Variants in MED23 observed in about 807,000 individuals in gnomAD.
MED23 encodes the protein mediator of RNA polymerase II transcription subunit 23.
MED23 carries 105 observed loss-of-function variants against 163.9 expected under a neutral mutation model. The ratio of observed to expected loss-of-function variants is 0.64; its 90% CI spans 0.55 to 0.75. The LOEUF (loss-of-function observed/expected upper bound fraction) is 0.75. MED23 is among the 30% of genes least tolerant of loss of function. The pLI is 0.00. For synonymous variants in MED23, 561 were observed against 565.6 expected, an observed-to-expected ratio of 0.99 and a Z score of 0.12; for missense variants, 1,054 against 1,649.0, an observed-to-expected ratio of 0.64 and a Z score of 6.25.
Position 131,587,760 on chromosome 6 carries a change from T to C in MED23, c.4026A>G (p.Ala1342=). 1 of 1,614,056 alleles carries C rather than the reference T, an allele frequency of 6.2e-7. No homozygotes were observed. Among genetic ancestry groups the C allele is most frequent in the Non-Finnish European group, 8.5e-7 (1 of 1,179,910 alleles). Residue 1342 remains alanine (A), a synonymous_variant, in exon 29 of 29, where the codon GCA becomes GCG. Coordinates refer to ENST00000368068, the MANE Select transcript of MED23 (RefSeq NM_004830.4). Reference sequence around the variant, plus strand: ...CACTGTTCATGGCTTGTGGAGGCACTGCAGCTGGCTCCATCTTGCTAATGT... The same window carrying C: ...CACTGTTCATGGCTTGTGGAGGCACCGCAGCTGGCTCCATCTTGCTAATGT... The part of the protein sequence containing the change: ...ITHISKMEPA[A]VPPQAMNSGS...
chr6:131,586,968 A>G lies in MED23; in HGVS notation c.*711T>C, dbSNP rs762539357. On this transcript the variant is annotated 3_prime_UTR_variant, in exon 29 of 29. Transcript: ENST00000368068. Reference sequence around the variant, plus strand: ...AAAGCAATTAACTTATTTTTAAAAAAAGAAATTGGAGAATCAACCATTTAA... The same window carrying G: ...AAAGCAATTAACTTATTTTTAAAAAGAGAAATTGGAGAATCAACCATTTAA... The G allele has an allele frequency of 6.7e-7, 1 of 1,491,184 alleles. No homozygotes were observed. Among genetic ancestry groups the G allele is most frequent in the South Asian group, 1.4e-5 (1 of 72,450 alleles). 92.4% of individuals were successfully genotyped at this position (1,491,184 alleles called of 1,614,324 possible).
Position 131,596,626 on chromosome 6 carries a change from T to C in MED23, c.2670A>G (p.Leu890=). The C allele has an allele frequency of 6.2e-7, 1 of 1,614,138 alleles. No homozygotes were observed. Among genetic ancestry groups the C allele is most frequent in the Non-Finnish European group, 8.5e-7 (1 of 1,180,002 alleles). ...QVCYFIIQLL[L]LKPNDFRNRV... Reference sequence around the variant, plus strand: ...GATTTCTAAAATCGTTTGGTTTGAGTAACAGCAACTGAATTATGAAATAAC... The same window carrying C: ...GATTTCTAAAATCGTTTGGTTTGAGCAACAGCAACTGAATTATGAAATAAC... Residue 890 remains leucine (L), a synonymous_variant, in exon 21 of 29, where the codon TTA becomes TTG. Coordinates refer to ENST00000368068, the MANE Select transcript of MED23 (RefSeq NM_004830.4).
chr6:131,604,079 T>C (rs1775684033), intron 15 of MED23, 99 bp downstream of exon 15: 1 of 1,164,476 alleles, frequency 8.6e-7, no homozygotes, highest in Non-Finnish European at 1.3e-6. Flanking sequence ...TCCATCATGG[T>C]GGTGACTTGT....
At chr6:131,616,715 G>T (rs1055171027) in intron 9 of MED23, among the ~76,000 whole-genome samples, 3 of 152,198 alleles carry the variant, frequency 2.0e-5, no homozygotes, top group Non-Finnish European at 2.9e-5. Flanking sequence ...GGCTACTCAG[G>T]AGGCTGAGGT....
intron 22 of MED23, among the ~76,000 whole-genome samples, chr6:131,595,356 T>A (rs1774968095): frequency 6.6e-6 from 1 of 152,256 alleles, no homozygotes; most frequent in Non-Finnish European, 1.5e-5. Flanking sequence ...GTCCTTGTAA[T>A]GGCTTCATCC....
intron 30 of MED23, among the ~76,000 whole-genome samples, chr6:131,577,671 G>A (rs1325336940): frequency 6.6e-6 from 1 of 151,990 alleles, no homozygotes; most frequent in African/African-American, 2.4e-5. Flanking sequence ...GGAAGCCAAG[G>A]TGGGTGGACT....
At chr6:131,579,192 G>A (rs757959356) in intron 30 of MED23, 4 of 1,614,074 alleles carry the variant, frequency 2.5e-6, no homozygotes, top group Middle Eastern at 1.6e-4. Flanking sequence ...AAGAATCCAA[G>A]GTCTGTGGGA....
intron 3 of MED23, 143 bp downstream of exon 3, chr6:131,627,253 G>A (rs1287481847): frequency 2.6e-5 from 18 of 689,718 alleles, no homozygotes; most frequent in African/African-American, 1.2e-4. Flanking sequence ...ATGGAAGCCA[G>A]AATAAAAAAT....
rs759941909 is a variant in MED23 at position 131,589,613 on chromosome 6, G to A, written c.3808-17C>T. 6 of 1,610,578 alleles carry A rather than the reference G, an allele frequency of 3.7e-6. No individual in the cohort carries two copies. The East Asian group carries it at 1.3e-4, about 36-fold the overall frequency. ...CACACCAATCTATTTAACAAATAAT[G>A]TAAAATTATTTAAGTGATCAAGTGA... is the stretch of plus-strand genomic sequence containing the variant. On this transcript the variant is annotated splice_polypyrimidine_tract_variant and intron_variant, in intron 27 of 28. Coordinates refer to ENST00000368068, the MANE Select transcript of MED23 (RefSeq NM_004830.4).
chr6:131,585,526 C>T (rs551817780), downstream of MED23, among the ~76,000 whole-genome samples: 109 of 152,266 alleles, frequency 7.2e-4, 1 homozygote, highest in African/African-American at 2.6e-3. Context: ...TTCTCTAATA[C>T]AGTAGCCACA....
In MED23 at chr6:131,618,383, G is replaced by A. The variant is rs751300821; in HGVS notation, c.780+24C>T. The A allele has an allele frequency of 9.2e-5, 137 of 1,485,354 alleles. 1 individual carries two copies. In the Middle Eastern group the frequency reaches 1.7e-3, roughly 19 times the overall value. The allele number at this position is 1,485,354 out of a possible 1,614,324, so 92.0% of individuals were successfully genotyped here. A position where few individuals can be genotyped will look rare whatever the true frequency, so the allele number is the denominator to read the frequency against. ...TTGAAGACTGTCAGATGGACTAAAA[G>A]TGCCATTATATTTAGCAACATACCT... On this transcript the variant is annotated intron_variant, in intron 9 of 28. Coordinates refer to ENST00000368068, the MANE Select transcript of MED23 (RefSeq NM_004830.4).
Position 131,589,550 on chromosome 6 carries a change from C to T in MED23, c.3854G>A (p.Ser1285Asn). The T allele has an allele frequency of 6.2e-7, 1 of 1,613,700 alleles. No individual in the cohort carries two copies. The highest frequency in any genetic ancestry group is 2.2e-5 in the East Asian group (1 of 44,844). Residue 1285 changes from serine (S) to asparagine (N), a missense_variant, in exon 28 of 29, where the codon AGC (serine) becomes AAC (asparagine). Physicochemically the swap from Ser to Asn is conservative, Grantham distance 46 (BLOSUM62 1). This residue lies in a region of MED23 where 362 missense variants were observed against 471.6 expected (regional missense o/e 0.77). Transcript: ENST00000368068. Reference sequence around the variant, plus strand: ...GGGATCCATGTAATTTAAATGGGTGCTACACTGGTCAACATTCAGCAGCAT... The same window carrying T: ...GGGATCCATGTAATTTAAATGGGTGTTACACTGGTCAACATTCAGCAGCAT... ...YDMLLNVDQC[S>N]THLNYMDPIC... is the part of the protein sequence containing the mutation.
At chr6:131,606,170 T>A (rs933265838) in intron 13 of MED23, among the ~76,000 whole-genome samples, 5 of 152,194 alleles carry the variant, frequency 3.3e-5, no homozygotes, top group Non-Finnish European at 7.3e-5. Context: ...GAAACATTTT[T>A]ACATTTATAA....
chr6:131,623,334 T>C lies in MED23; in HGVS notation c.396+17A>G. On this transcript the variant is annotated intron_variant, in intron 5 of 28. Transcript: ENST00000368068. ...CATATCTGAAAGCAATCACTTTTTA[T>C]AATAAGAAAAATATACCTTGTAATC... 1 of 1,592,150 alleles carries C rather than the reference T, an allele frequency of 6.3e-7. No homozygotes were observed. The highest frequency in any genetic ancestry group is 8.6e-7 in the Non-Finnish European group (1 of 1,160,080).
intron 27 of MED23, among the ~76,000 whole-genome samples, 199 bp downstream of exon 27, chr6:131,590,123 C>A (rs1774490466): frequency 2.0e-5 from 3 of 152,206 alleles, no homozygotes; most frequent in Admixed American, 2.0e-4. Flanking sequence ...ATGGGCGTTT[C>A]CTCTGCATCT....
chr6:131,624,299 G>A (rs992395803), intron 4 of MED23, among the ~76,000 whole-genome samples: 2 of 152,194 alleles, frequency 1.3e-5, no homozygotes. Flanking sequence ...TTTCTGCCTA[G>A]CCCTCTTTTG....
chr6:131,618,059 G>C (rs1255374198), intron 9 of MED23, among the ~76,000 whole-genome samples: 1 of 152,202 alleles, frequency 6.6e-6, no homozygotes, highest in Non-Finnish European at 1.5e-5. Context: ...GGTGTTAAGA[G>C]TGTAGATTCT....
At chr6:131,611,304 T>C (rs993580682) in intron 10 of MED23, among the ~76,000 whole-genome samples, 1 of 152,192 alleles carries the variant, frequency 6.6e-6, no homozygotes, top group African/African-American at 2.4e-5. Flanking sequence ...GCATGCTCTT[T>C]GCCAGCTCCA....
chr6:131,617,845 A>G (rs1467080458), intron 9 of MED23, among the ~76,000 whole-genome samples: 3 of 152,204 alleles, frequency 2.0e-5, no homozygotes, highest in Middle Eastern at 3.2e-3. Flanking sequence ...GATTTGAAAA[A>G]GCATACCCTC....
Sources: gnomAD v4.1 joint callset for allele counts (sites outside exome capture counted in the v4.1 genomes callset) on GRCh38, gnomAD v4.1.1 for gene constraint, gnomAD v4.1.1 regional missense constraint, MANE v1.5 for transcripts, NCBI Gene and HGNC (gene_info 2026-07-23, HGNC 2026-07-21) for gene names.